The following RELN variants were observed in gnomAD, a reference collection of about 807,000 sequenced individuals.
RELN encodes reelin.
RELN carries 108 observed loss-of-function variants against 427.6 expected under a neutral mutation model. That is an observed-to-expected ratio of 0.25 (90% CI 0.22 to 0.30). RELN has a LOEUF of 0.30. Ranked by LOEUF, RELN falls within the 10% of genes least tolerant of loss-of-function variation. The probability of loss-of-function intolerance (pLI) is 1.00; values close to 1 mark genes in which losing one functional copy is unlikely to be tolerated. For missense variants in RELN, 3,715 were observed against 4,302.8 expected, an observed-to-expected ratio of 0.86 and a Z score of 3.82; for synonymous variants, 1,524 against 1,513.4, an observed-to-expected ratio of 1.01 and a Z score of -0.16.
rs930698790 is a variant in RELN, at chr7:103,664,271, T to A, written c.1290-2744A>T. ...TTTTGTTATTATTAACAATGCTATA[T>A]AAAAGGTCCTTGTGTGTTTACATAT... On this transcript the variant is annotated intron_variant, in intron 11 of 64. Transcript: ENST00000428762. Among the ~76,000 whole-genome samples, 60 of 152,352 alleles carry A rather than the reference T, an allele frequency of 3.9e-4. 1 individual carries two copies. Among genetic ancestry groups the A allele is most frequent in the African/African-American group, 1.4e-3 (60 of 41,586 alleles).
At chr7:103,593,456 C>A (rs1429930638) in intron 27 of RELN, among the ~76,000 whole-genome samples, 1 of 152,084 alleles carries the variant, frequency 6.6e-6, no homozygotes, top group African/African-American at 2.4e-5. Flanking sequence ...CCTTGAGTAC[C>A]TAAAGAAATG....
intron 2 of RELN, among the ~76,000 whole-genome samples, chr7:103,841,428 A>G (rs1793549277): frequency 6.6e-6 from 1 of 152,202 alleles, no homozygotes; most frequent in Non-Finnish European, 1.5e-5. Context: ...ATAGGAATCA[A>G]TAGCAGAGTT....
intron 2 of RELN, among the ~76,000 whole-genome samples, chr7:103,876,773 G>A (rs756457589): frequency 6.0e-5 from 9 of 149,208 alleles, no homozygotes; most frequent in African/African-American, 9.9e-5. Context: ...ATGATAAAAT[G>A]TCTGCTCTTT....
At chr7:103,663,685 C>A in intron 11 of RELN, among the ~76,000 whole-genome samples, 1 of 152,166 alleles carries the variant, frequency 6.6e-6, no homozygotes, top group East Asian at 1.9e-4. Context: ...AATCAACTTA[C>A]AGTCATAGCT....
At chr7:103,559,209 C>T (rs1042188856) in intron 36 of RELN, among the ~76,000 whole-genome samples, 1 of 152,158 alleles carries the variant, frequency 6.6e-6, no homozygotes, top group Admixed American at 6.6e-5. Context: ...GATTTGAACC[C>T]AGATATGTCG....
rs1383916123 is a variant in RELN at position 103,968,450 on chromosome 7, C to T, written c.226+20681G>A. Among the ~76,000 whole-genome samples, 1 of 151,860 alleles carries T rather than the reference C, an allele frequency of 6.6e-6. No individual in the cohort carries two copies. The highest frequency in any genetic ancestry group is 1.9e-4 in the East Asian group (1 of 5,182). On this transcript the variant is annotated intron_variant, in intron 1 of 64. Coordinates refer to ENST00000428762, the MANE Select transcript of RELN (RefSeq NM_005045.4). The surrounding 1 kb of genome is among the most constrained non-coding windows in gnomAD (Gnocchi z 4.3). ...GGTCTGCAGGCACCATGCGTTGCTA[C>T]TGAGGACTAACTGGTGGCCTATGAG...
Position 103,917,166 on chromosome 7 carries a change from G to C in RELN, c.246C>G (p.Thr82=), listed in dbSNP as rs113242008. Residue 82 remains threonine (T), a synonymous_variant, in exon 2 of 65, where the codon ACC becomes ACG. Transcript: ENST00000428762. ...QEYHVTISTS[T]FFDGLLVTGL... ...CTGTCACCAGCAAGCCGTCAAAAAAGGTGCTTGTTGAAATTGTCACTGAAA... is the reference window on the plus strand; with the variant it reads ...CTGTCACCAGCAAGCCGTCAAAAAACGTGCTTGTTGAAATTGTCACTGAAA... The C allele has an allele frequency of 2.6e-4, 425 of 1,613,282 alleles. No homozygotes were observed. The African/African-American group carries it at 5.0e-3, about 19-fold the overall frequency.
intron 3 of RELN, among the ~76,000 whole-genome samples, chr7:103,782,344 A>G (rs1791912375): frequency 6.6e-6 from 1 of 152,154 alleles, no homozygotes; most frequent in Non-Finnish European, 1.5e-5. Context: ...CTGCAAGGAG[A>G]AAGACCAGTG....
intron 1 of RELN, among the ~76,000 whole-genome samples, chr7:103,970,336 G>A (rs1020570249): frequency 6.6e-6 from 1 of 151,796 alleles, no homozygotes; most frequent in African/African-American, 2.4e-5. Context: ...AAGTGATGGG[G>A]TTTCACCACT....
At chr7:103,971,152 CAAAA>C (rs559162833) in intron 1 of RELN, among the ~76,000 whole-genome samples, 2 of 81,266 alleles carry the variant, frequency 2.5e-5, no homozygotes, top group Non-Finnish European at 2.8e-5. Context: ...GACTCTATCT[CAAAA>C]AAAAAAAAAA....
intron 46 of RELN, among the ~76,000 whole-genome samples, chr7:103,534,379 C>T (rs574518844): frequency 2.0e-5 from 3 of 152,172 alleles, no homozygotes; most frequent in Non-Finnish European, 4.4e-5. Flanking sequence ...AACACTATTC[C>T]ACTAGGCAAA....
intron 9 of RELN, among the ~76,000 whole-genome samples, chr7:103,699,293 A>C (rs1056419862): frequency 6.6e-6 from 1 of 152,168 alleles, no homozygotes; most frequent in African/African-American, 2.4e-5. Context: ...AATTGTCACC[A>C]TAGGTTATAG....
chr7:103,843,424 C>T (rs552088181), intron 2 of RELN, among the ~76,000 whole-genome samples: 1 of 152,254 alleles, frequency 6.6e-6, no homozygotes, highest in East Asian at 1.9e-4. Flanking sequence ...TGAGTGGCAT[C>T]TGAACACAGG....
At chr7:103,703,890 T>C (rs1390802247) in intron 8 of RELN, among the ~76,000 whole-genome samples, 1 of 152,136 alleles carries the variant, frequency 6.6e-6, no homozygotes. Context: ...TTCAGGCAAA[T>C]GAGGAAAGCC....
chr7:103,478,939 G>A (rs938954529), intron 63 of RELN, among the ~76,000 whole-genome samples: 1 of 152,146 alleles, frequency 6.6e-6, no homozygotes, highest in African/African-American at 2.4e-5. Context: ...ATGAGGGGAT[G>A]GTCACGATGG....
chr7:103,757,536 TA>T lies in RELN; in HGVS notation c.545-4323del, dbSNP rs1244156020. Among the ~76,000 whole-genome samples, 30 of 152,332 alleles carry T rather than the reference TA, an allele frequency of 2.0e-4. No individual in the cohort carries two copies. The East Asian group carries it at 5.8e-3, about 29-fold the overall frequency. On this transcript the variant is annotated intron_variant, in intron 4 of 64. Coordinates refer to ENST00000428762, the MANE Select transcript of RELN (RefSeq NM_005045.4). ...AACGACATAAAATTGTCAAATGGCTTAAACTAGGGAGTTTTGGTTTCTGAGA... is the reference window on the plus strand; with the variant it reads ...AACGACATAAAATTGTCAAATGGCTTAACTAGGGAGTTTTGGTTTCTGAGA...
At chr7:103,725,138 T>C (rs1228197325) in intron 7 of RELN, among the ~76,000 whole-genome samples, 1 of 152,144 alleles carries the variant, frequency 6.6e-6, no homozygotes, top group Non-Finnish European at 1.5e-5. Flanking sequence ...TCAGAAGAAA[T>C]CACTGTAGGT....
intron 1 of RELN, among the ~76,000 whole-genome samples, chr7:103,973,171 T>A (rs976751363): frequency 1.3e-5 from 2 of 152,222 alleles, no homozygotes; most frequent in African/African-American, 4.8e-5. Context: ...CCAACCCATT[T>A]GGTGCATGTG....
intron 43 of RELN, among the ~76,000 whole-genome samples, chr7:103,541,490 A>T (rs1381768040): frequency 6.6e-6 from 1 of 152,130 alleles, no homozygotes; most frequent in Non-Finnish European, 1.5e-5. Flanking sequence ...AAAAATTGGG[A>T]TTTTACATGG....
Sources: gnomAD v4.1 joint callset for allele counts (sites outside exome capture counted in the v4.1 genomes callset) on GRCh38, gnomAD v4.1.1 for gene constraint, Gnocchi (gnomAD v3.1) non-coding constraint, MANE v1.5 for transcripts, NCBI Gene and HGNC (gene_info 2026-07-23, HGNC 2026-07-21) for gene names.